IPO11: variants seen among roughly 807,000 people sequenced by gnomAD.
IPO11 encodes the protein importin 11.
A neutral mutation model predicts 143.2 loss-of-function variants in IPO11; 66 were observed. That is an observed-to-expected ratio of 0.46 (90% CI 0.38 to 0.57). The LOEUF is 0.57. Among genes scored for constraint, IPO11 ranks in the 20% least tolerant of loss-of-function variants. The probability of loss-of-function intolerance (pLI) is 0.00; values close to 1 mark genes in which losing one functional copy is unlikely to be tolerated. For synonymous variants in IPO11, 385 were observed against 377.8 expected, an observed-to-expected ratio of 1.02 and a Z score of -0.22; for missense variants, 1,026 against 1,141.0, an observed-to-expected ratio of 0.90 and a Z score of 1.45.
chr5:62,483,324 T>G, intron 10 of IPO11, 31 bp downstream of exon 10: 2 of 1,301,230 alleles, frequency 1.5e-6, no homozygotes, highest in Non-Finnish European at 2.1e-6. Context: ...TTAAAAGAAT[T>G]ATTTTAATCT....
chr5:62,521,315 A>T (rs40290), intron 20 of IPO11, among the ~76,000 whole-genome samples: 13,731 of 152,262 alleles, frequency 0.09, 670 homozygotes, highest in East Asian at 0.14. Context: ...AAATGTCTTC[A>T]TTCTAGTTTC....
chr5:62,442,976 T>C lies in IPO11; in HGVS notation c.139-7T>C, dbSNP rs776989934. On this transcript the variant is annotated splice_region_variant and splice_polypyrimidine_tract_variant and intron_variant, in intron 2 of 29. Transcript: ENST00000325324. Reference sequence around the variant, plus strand: ...GCTAATTCTAATATTATGTTTTTTATTTATAGAATATTTTCACCAACCACA... The same window carrying C: ...GCTAATTCTAATATTATGTTTTTTACTTATAGAATATTTTCACCAACCACA... The C allele has an allele frequency of 9.2e-6, 14 of 1,513,800 alleles. No individual in the cohort carries two copies. In the Admixed American group the frequency reaches 2.5e-4, roughly 27 times the overall value. The allele number at this position is 1,513,800 out of a possible 1,614,324, so 93.8% of individuals were successfully genotyped here.
rs548104794 is a variant in IPO11 at position 62,625,442 on chromosome 5, G to A, written c.2764-1712G>A. ...AAAATCCGATGTGTAGACTTTAGAA[G>A]TGAATCTGGCTATTAACACTTCATT... is the stretch of plus-strand genomic sequence containing the variant. On this transcript the variant is annotated intron_variant, in intron 29 of 29. Coordinates refer to ENST00000325324, the MANE Select transcript of IPO11 (RefSeq NM_016338.5). Among the ~76,000 whole-genome samples, 3 of 152,338 alleles carry A rather than the reference G, an allele frequency of 2.0e-5. No individual in the cohort carries two copies. In the East Asian group the frequency reaches 5.8e-4, roughly 29 times the overall value.
chr5:62,624,802 G>A (rs1746501275), intron 29 of IPO11, among the ~76,000 whole-genome samples: 1 of 152,008 alleles, frequency 6.6e-6, no homozygotes, highest in Non-Finnish European at 1.5e-5. Context: ...GGCTAACAGG[G>A]TGAAACCCCG....
At chr5:62,452,572 A>T (rs1268775707) in intron 5 of IPO11, among the ~76,000 whole-genome samples, 2 of 150,906 alleles carry the variant, frequency 1.3e-5, no homozygotes, top group Non-Finnish European at 2.9e-5. Flanking sequence ...TAACTGAAGG[A>T]TGTAGGGCAG....
intron 16 of IPO11, among the ~76,000 whole-genome samples, chr5:62,498,932 A>T (rs1441320562): frequency 6.6e-6 from 1 of 152,252 alleles, no homozygotes; most frequent in African/African-American, 2.4e-5. Context: ...TAAAACAAGC[A>T]GTAAATTACT....
At chr5:62,447,081 AT>A (rs1430294802) in intron 3 of IPO11, among the ~76,000 whole-genome samples, 1 of 151,212 alleles carries the variant, frequency 6.6e-6, no homozygotes, top group East Asian at 1.9e-4. Flanking sequence ...TTCTATGATT[AT>A]TTCTTTTGGT....
At chr5:62,519,333 GCTC>G (rs1006474320) in intron 20 of IPO11, among the ~76,000 whole-genome samples, 9 of 152,132 alleles carry the variant, frequency 5.9e-5, no homozygotes, top group African/African-American at 9.6e-5. Context: ...TCAGTACCCT[GCTC>G]CTCCTCCTCA....
intron 2 of IPO11, among the ~76,000 whole-genome samples, chr5:62,441,761 C>T (rs1173345092): frequency 6.7e-6 from 1 of 148,790 alleles, no homozygotes; most frequent in Non-Finnish European, 1.5e-5. Context: ...TGGTGGTCCA[C>T]CTGCCTCGGC....
chr5:62,464,840 G>A (rs543823465), intron 5 of IPO11, among the ~76,000 whole-genome samples: 59 of 152,230 alleles, frequency 3.9e-4, no homozygotes, highest in African/African-American at 1.4e-3. Context: ...TCAATATAAA[G>A]TCCTTTTAAA....
chr5:62,537,353 C>A, intron 24 of IPO11, 64 bp downstream of exon 24: 2 of 1,078,554 alleles, frequency 1.9e-6, no homozygotes, highest in South Asian at 1.3e-5. Context: ...TGAAATTGGA[C>A]TTTCATTTGG....
At chr5:62,447,732 C>T (rs775727196) in intron 3 of IPO11, among the ~76,000 whole-genome samples, 1 of 151,840 alleles carries the variant, frequency 6.6e-6, no homozygotes, top group Admixed American at 6.6e-5. Flanking sequence ...ACCACAGGTG[C>T]GTGCCACCAT....
At chr5:62,432,278 C>T (rs1178882523) in intron 1 of IPO11, among the ~76,000 whole-genome samples, 2 of 152,160 alleles carry the variant, frequency 1.3e-5, no homozygotes, top group Non-Finnish European at 2.9e-5. Context: ...GCCTGCTGCC[C>T]TGTGGTAGAG....
At chr5:62,442,654 G>C (rs542577746) in intron 2 of IPO11, among the ~76,000 whole-genome samples, 286 of 152,092 alleles carry the variant, frequency 1.9e-3, no homozygotes, top group African/African-American at 6.5e-3. Flanking sequence ...AGGTCAAGAG[G>C]TCGAGACCAG....
chr5:62,582,762 A>T (rs1261089028), intron 27 of IPO11, among the ~76,000 whole-genome samples: 1 of 152,206 alleles, frequency 6.6e-6, no homozygotes, highest in East Asian at 1.9e-4. Flanking sequence ...GAAGTAATAT[A>T]ATGGTTTTCT....
intron 9 of IPO11, among the ~76,000 whole-genome samples, chr5:62,480,413 G>T (rs1746143125): frequency 6.6e-6 from 1 of 152,144 alleles, no homozygotes; most frequent in South Asian, 2.1e-4. Context: ...GACTGTCTCG[G>T]CAATGCGGGC....
chr5:62,451,299 A>G (rs1439743201), intron 4 of IPO11, among the ~76,000 whole-genome samples: 1 of 152,200 alleles, frequency 6.6e-6, no homozygotes, highest in Non-Finnish European at 1.5e-5. Context: ...ATATTCGTGT[A>G]AAAAATAAAA....
chr5:62,496,849 C>G (rs1332978745), intron 16 of IPO11, among the ~76,000 whole-genome samples: 1 of 152,202 alleles, frequency 6.6e-6, no homozygotes, highest in African/African-American at 2.4e-5. Context: ...ATATGTCACT[C>G]TGCATTATAT....
chr5:62,502,075 C>T (rs1384645819), intron 16 of IPO11, among the ~76,000 whole-genome samples: 1 of 152,210 alleles, frequency 6.6e-6, no homozygotes, highest in African/African-American at 2.4e-5. Context: ...GTTTCTGGCT[C>T]TGCTTACCTT....
Sources: allele counts gnomAD v4.1 joint callset (sites outside exome capture counted in the v4.1 genomes callset), GRCh38; gene constraint gnomAD v4.1.1; transcripts MANE v1.5; gene names NCBI Gene and HGNC (gene_info 2026-07-23, HGNC 2026-07-21).